The following DPP10 variants were observed in gnomAD, a reference collection of about 807,000 sequenced individuals.
DPP10 encodes dipeptidyl peptidase like 10.
A neutral mutation model predicts 120.9 loss-of-function variants in DPP10; 33 were observed. That is an observed-to-expected ratio of 0.27 (90% CI 0.21 to 0.37). The LOEUF (loss-of-function observed/expected upper bound fraction) is 0.37, where lower values mean the gene tolerates loss of function less well. Ranked by LOEUF, DPP10 falls within the 10% of genes least tolerant of loss-of-function variation. The pLI, the probability that DPP10 is intolerant of heterozygous loss-of-function variation, is 1.00. For synonymous variants in DPP10, 337 were observed against 326.1 expected (o/e 1.03, Z -0.36); for missense variants, 816 against 942.8 (o/e 0.87, Z 1.76).
At chr2:115,167,930 T>C (rs1011335737) in intron 1 of DPP10, among the ~76,000 whole-genome samples, 2 of 152,188 alleles carry the variant, frequency 1.3e-5, no homozygotes, top group African/African-American at 4.8e-5. Context: ...CTGCTGAATA[T>C]GTTGCATATT....
intron 5 of DPP10, among the ~76,000 whole-genome samples, chr2:115,653,595 A>G (rs770826760): frequency 3.3e-5 from 5 of 151,888 alleles, no homozygotes; most frequent in Admixed American, 6.6e-5. Context: ...TCTATCCACA[A>G]TCAACTTCTC....
chr2:115,828,101 T>C (rs62156344), intron 21 of DPP10, among the ~76,000 whole-genome samples: 27,023 of 151,940 alleles, frequency 0.18, 3,170 homozygotes, highest in Admixed American at 0.31. Context: ...CCAGCTCTAA[T>C]GTGTCTTTAT....
intron 5 of DPP10, among the ~76,000 whole-genome samples, chr2:115,670,242 A>T (rs2089761000): frequency 6.6e-6 from 1 of 152,064 alleles, no homozygotes; most frequent in African/African-American, 2.4e-5. Flanking sequence ...CACATTGGGG[A>T]TTAGGGTTTT....
At chr2:115,412,305 C>T (rs969451244) in intron 3 of DPP10, among the ~76,000 whole-genome samples, 2 of 152,092 alleles carry the variant, frequency 1.3e-5, no homozygotes, top group Non-Finnish European at 2.9e-5. Context: ...ATATTTTACT[C>T]TTACACAGGA....
chr2:115,248,578 C>T (rs1326108960), intron 1 of DPP10, among the ~76,000 whole-genome samples: 1 of 151,970 alleles, frequency 6.6e-6, no homozygotes, highest in Non-Finnish European at 1.5e-5. Flanking sequence ...ATAAGTTATA[C>T]AGAGGTAATG....
rs1434780149 is a variant in DPP10, at chr2:115,202,062, A to G, written c.61-107177A>G. On this transcript the variant is annotated intron_variant, in intron 1 of 25. Transcript: ENST00000410059. Reference sequence around the variant, plus strand: ...AGATGCTATTTATCAAGGTGGTTTTACATTTGATCAGAACTCAGCCACAGA... The same window carrying G: ...AGATGCTATTTATCAAGGTGGTTTTGCATTTGATCAGAACTCAGCCACAGA... Among the ~76,000 whole-genome samples the G allele has an allele frequency of 3.3e-5, 5 of 152,250 alleles. No homozygotes were observed. In the East Asian group the frequency reaches 7.7e-4, roughly 24 times the overall value.
rs570763038 is a variant in DPP10 at position 114,587,171 on chromosome 2, C to T, written c.60+144333C>T. Reference sequence around the variant, plus strand: ...AAAAAATTAGCCGGGCATGGTGGCGCGTGCCTGTAATCCCAGCTACTTGGG... The same window carrying T: ...AAAAAATTAGCCGGGCATGGTGGCGTGTGCCTGTAATCCCAGCTACTTGGG... On this transcript the variant is annotated intron_variant, in intron 1 of 25. Coordinates refer to ENST00000410059, the MANE Select transcript of DPP10 (RefSeq NM_020868.6). 1.3e-4 allele frequency among the ~76,000 whole-genome samples: 20 copies of T among 151,630 alleles called. No individual in the cohort carries two copies. The South Asian group carries it at 2.1e-3, about 16-fold the overall frequency.
chr2:115,599,225 T>C (rs1044449314), intron 5 of DPP10, among the ~76,000 whole-genome samples: 3 of 152,144 alleles, frequency 2.0e-5, no homozygotes, highest in Admixed American at 6.5e-5. Context: ...TTACCAAAAA[T>C]GGTAGTTATA....
rs187268567 is a variant in DPP10, at chr2:115,655,622, C to T, written c.442-34065C>T. 4.6e-5 allele frequency among the ~76,000 whole-genome samples: 7 copies of T among 151,288 alleles called. No individual in the cohort carries two copies. In the East Asian group the frequency reaches 1.4e-3, roughly 29 times the overall value. On this transcript the variant is annotated intron_variant, in intron 5 of 25. Transcript: ENST00000410059. ...GGGCGTGTTATCAAATTATACGCACCCTTGTCCTTTTCCTCCTTTCATAAG... is the reference window on the plus strand; with the variant it reads ...GGGCGTGTTATCAAATTATACGCACTCTTGTCCTTTTCCTCCTTTCATAAG...
At chr2:114,703,367 G>A (rs1388423323) in intron 1 of DPP10, among the ~76,000 whole-genome samples, 2 of 152,066 alleles carry the variant, frequency 1.3e-5, no homozygotes, top group Non-Finnish European at 1.5e-5. Flanking sequence ...TGCTAAACAC[G>A]CATAAGATCA....
At chr2:115,742,834 G>A (rs1007793686) in intron 9 of DPP10, among the ~76,000 whole-genome samples, 1 of 152,008 alleles carries the variant, frequency 6.6e-6, no homozygotes, top group East Asian at 1.9e-4. Context: ...ATGAAAATGA[G>A]TATAGCAAAT....
chr2:115,603,140 G>GTA (rs764908070), intron 5 of DPP10, among the ~76,000 whole-genome samples: 4,623 of 150,856 alleles, frequency 0.031, 99 homozygotes, highest in Non-Finnish European at 0.051. Context: ...GTGTGTGTGT[G>GTA]TGTGTGTGTG....
chr2:115,019,963 G>T (rs533986936), intron 1 of DPP10, among the ~76,000 whole-genome samples: 1 of 152,238 alleles, frequency 6.6e-6, no homozygotes, highest in African/African-American at 2.4e-5. Context: ...GTAAACAAAT[G>T]CTGAGAGAAT....
At chr2:115,315,002 C>T (rs2061724714) in intron 2 of DPP10, among the ~76,000 whole-genome samples, 1 of 152,108 alleles carries the variant, frequency 6.6e-6, no homozygotes, top group South Asian at 2.1e-4. Context: ...CAGTTTTCTA[C>T]ATAACACAGC....
chr2:115,538,541 G>A (rs1238149930), intron 5 of DPP10, among the ~76,000 whole-genome samples: 1 of 151,888 alleles, frequency 6.6e-6, no homozygotes, highest in Non-Finnish European at 1.5e-5. Flanking sequence ...CCTAGGGGTG[G>A]CAATGCTGAC....
chr2:114,491,126 A>G (rs1019333395), intron 1 of DPP10, among the ~76,000 whole-genome samples: 1 of 152,180 alleles, frequency 6.6e-6, no homozygotes, highest in Non-Finnish European at 1.5e-5. Flanking sequence ...GAAACCAATT[A>G]TACCTGATGG....
At chr2:114,915,633 A>G (rs929364088) in intron 1 of DPP10, among the ~76,000 whole-genome samples, 1 of 152,220 alleles carries the variant, frequency 6.6e-6, no homozygotes, top group Non-Finnish European at 1.5e-5. Flanking sequence ...TGGAAATCAT[A>G]CAAAGACACT....
chr2:115,496,443 T>C (rs1051507880), intron 3 of DPP10, among the ~76,000 whole-genome samples: 2 of 152,148 alleles, frequency 1.3e-5, no homozygotes, highest in African/African-American at 4.8e-5. Context: ...TAAACTGATA[T>C]TAAGTGTAGT....
chr2:114,964,710 A>T (rs1253534012), intron 1 of DPP10, among the ~76,000 whole-genome samples: 1 of 152,148 alleles, frequency 6.6e-6, no homozygotes, highest in African/African-American at 2.4e-5. Context: ...TAGAAAGGCA[A>T]TGGAGCAGCA....
Sources: allele counts gnomAD v4.1 joint callset (sites outside exome capture counted in the v4.1 genomes callset), GRCh38; gene constraint gnomAD v4.1.1; transcripts MANE v1.5; gene names NCBI Gene and HGNC (gene_info 2026-07-23, HGNC 2026-07-21).